Variants in EXT1 observed in about 807,000 individuals in gnomAD.
EXT1 encodes exostosin glycosyltransferase 1.
EXT1 carries 20 observed loss-of-function variants against 82.5 expected under a neutral mutation model. The ratio of observed to expected loss-of-function variants is 0.24; its 90% CI spans 0.17 to 0.35. EXT1 has a LOEUF of 0.35. EXT1 is among the 10% of genes least tolerant of loss of function. The probability of loss-of-function intolerance (pLI) is 1.00; values close to 1 mark genes in which losing one functional copy is unlikely to be tolerated. For missense variants in EXT1, 757 were observed against 936.5 expected, an observed-to-expected ratio of 0.81 and a Z score of 2.50; for synonymous variants, 348 against 350.8, an observed-to-expected ratio of 0.99 and a Z score of 0.09.
Position 118,111,005 on chromosome 8 carries a change from G to A in EXT1, c.42C>T (p.Gly14=), listed in dbSNP as rs1432103883. 6.2e-7 allele frequency: 1 copy of A among 1,605,530 alleles called. No individual in the cohort carries two copies. The highest frequency in any genetic ancestry group is 2.2e-5 in the East Asian group (1 of 44,880). The change falls in exon 1 of 11, where the codon GGC becomes GGT. Residue 14 remains glycine (G), a synonymous_variant. Coordinates refer to ENST00000378204, the MANE Select transcript of EXT1 (RefSeq NM_000127.3). ...AATAAAACAAAAGGGCGAGACAAGA[G>A]CCAGCTGAGAGCAGGATGAAATAGC... The part of the protein sequence containing the change: ...KKRYFILLSA[G]SCLALLFYFG...
intron 1 of EXT1, among the ~76,000 whole-genome samples, chr8:117,995,062 T>C (rs753727581): frequency 3.3e-5 from 5 of 152,236 alleles, no homozygotes; most frequent in African/African-American, 1.2e-4. Flanking sequence ...TGTTTTTGCC[T>C]AACTATGGGT....
Position 117,937,475 on chromosome 8 carries a change from G to A in EXT1, c.963-100274C>T, listed in dbSNP as rs17453288. On this transcript the variant is annotated intron_variant, in intron 1 of 10. Coordinates refer to ENST00000378204, the MANE Select transcript of EXT1 (RefSeq NM_000127.3). ...AAATGGAATTTTGCTGAATCGCCCT[G>A]ATTTATGAAGTCTGTGTTTCTTCAT... Among the ~76,000 whole-genome samples the A allele has an allele frequency of 4.1e-3, 622 of 152,340 alleles. 2 individuals are homozygous for A. Among genetic ancestry groups the A allele is most frequent in the Non-Finnish European group, 7.3e-3 (497 of 68,040 alleles).
At chr8:117,811,489 G>C (rs1364092431) in intron 8 of EXT1, among the ~76,000 whole-genome samples, 2 of 152,132 alleles carry the variant, frequency 1.3e-5, no homozygotes, top group Non-Finnish European at 2.9e-5. Context: ...TATTTATAGA[G>C]CTTCGGCTGC....
chr8:117,913,130 G>A (rs903932038), intron 1 of EXT1, among the ~76,000 whole-genome samples: 2 of 152,178 alleles, frequency 1.3e-5, no homozygotes, highest in Admixed American at 6.5e-5. Context: ...GCTGAGGCAG[G>A]AGAATCGCTT....
In EXT1 at chr8:117,887,526, A is replaced by G. The variant is rs907782133; in HGVS notation, c.963-50325T>C. On this transcript the variant is annotated intron_variant, in intron 1 of 10. Transcript: ENST00000378204. ...GCCACCACGCCCAGATAATTTTTGT[A>G]TTTTTAGTAGAGACAGGGTTTCACC... Among the ~76,000 whole-genome samples the G allele has an allele frequency of 2.6e-5, 4 of 151,978 alleles. No individual in the cohort carries two copies. The South Asian group carries it at 8.3e-4, about 32-fold the overall frequency.
At chr8:118,088,721 T>C (rs1323615736) in intron 1 of EXT1, among the ~76,000 whole-genome samples, 2 of 151,998 alleles carry the variant, frequency 1.3e-5, no homozygotes, top group Non-Finnish European at 2.9e-5. Context: ...TTTTCTTGTT[T>C]ACTTTTGATC....
At chr8:118,072,451 C>T (rs1325076168) in intron 1 of EXT1, among the ~76,000 whole-genome samples, 1 of 152,172 alleles carries the variant, frequency 6.6e-6, no homozygotes, top group Non-Finnish European at 1.5e-5. Flanking sequence ...ACATTGTTGC[C>T]TAATTGTCTG....
intron 3 of EXT1, among the ~76,000 whole-genome samples, chr8:117,834,836 A>G (rs1455637747): frequency 1.3e-5 from 2 of 152,218 alleles, no homozygotes; most frequent in Non-Finnish European, 2.9e-5. Context: ...AAAGGGCTTT[A>G]GAAATCCTTA....
intron 1 of EXT1, among the ~76,000 whole-genome samples, chr8:117,896,933 G>A (rs1813349854): frequency 6.6e-6 from 1 of 152,032 alleles, no homozygotes; most frequent in Non-Finnish European, 1.5e-5. Flanking sequence ...TGCCACCCAG[G>A]GTCCCAGCCC....
intron 1 of EXT1, among the ~76,000 whole-genome samples, chr8:117,950,440 T>C (rs931378271): frequency 1.3e-5 from 2 of 152,230 alleles, no homozygotes; most frequent in Non-Finnish European, 2.9e-5. Context: ...CAACACATTT[T>C]ACATCAGATA....
intron 1 of EXT1, among the ~76,000 whole-genome samples, chr8:117,963,404 T>C (rs963695840): frequency 2.6e-5 from 4 of 152,196 alleles, no homozygotes; most frequent in Non-Finnish European, 5.9e-5. Flanking sequence ...CATGTCTTAT[T>C]TGCTGGCTCT....
intron 2 of EXT1, among the ~76,000 whole-genome samples, chr8:117,836,259 A>G (rs1469523543): frequency 2.0e-5 from 3 of 152,222 alleles, no homozygotes; most frequent in Non-Finnish European, 4.4e-5. Flanking sequence ...GGAGGCTACA[A>G]GAACATTAGT....
intron 1 of EXT1, among the ~76,000 whole-genome samples, chr8:118,026,426 T>C (rs1479492887): frequency 6.6e-6 from 1 of 152,194 alleles, no homozygotes; most frequent in African/African-American, 2.4e-5. Context: ...TCTTTTATCT[T>C]TTAATGCAAT....
intron 10 of EXT1, among the ~76,000 whole-genome samples, chr8:117,802,709 TAATAGAC>T (rs907757722): frequency 1.1e-4 from 17 of 152,186 alleles, no homozygotes; most frequent in Non-Finnish European, 1.9e-4. Context: ...TTTGGGCACA[TAATAGAC>T]AATACATCTT....
chr8:117,969,055 T>C (rs1814886654), intron 1 of EXT1, among the ~76,000 whole-genome samples: 1 of 152,158 alleles, frequency 6.6e-6, no homozygotes, highest in Non-Finnish European at 1.5e-5. Flanking sequence ...ATTGGGAAGA[T>C]AAGACTTTTA....
intron 1 of EXT1, among the ~76,000 whole-genome samples, chr8:117,905,929 AGCCCCTCC>A (rs1813536237): frequency 6.6e-6 from 1 of 152,232 alleles, no homozygotes; most frequent in Non-Finnish European, 1.5e-5. Context: ...ATCACTTCCA[AGCCCCTCC>A]GCTTGCTGAT....
chr8:117,882,871 G>C (rs1022285114), intron 1 of EXT1, among the ~76,000 whole-genome samples: 1 of 151,734 alleles, frequency 6.6e-6, no homozygotes, highest in Non-Finnish European at 1.5e-5. Flanking sequence ...CAGCTACTCG[G>C]GAGGCTGAGG....
rs28357307 is a variant in EXT1, at chr8:118,044,052, C to T, written c.962+66033G>A. Among the ~76,000 whole-genome samples the T allele has an allele frequency of 5.3e-4, 80 of 152,290 alleles. 1 individual carries two copies. In the East Asian group the frequency reaches 0.015, roughly 28 times the overall value. The stretch of plus-strand genomic sequence containing the variant: ...TTGGCCCTTCAAAAATTCTGCTTTG[C>T]CAGTGTCTCTTTCTTACCTTAAGAT... On this transcript the variant is annotated intron_variant, in intron 1 of 10. Transcript: ENST00000378204.
chr8:117,801,087 G>A (rs1188645134), intron 10 of EXT1, among the ~76,000 whole-genome samples: 1 of 152,226 alleles, frequency 6.6e-6, no homozygotes, highest in Non-Finnish European at 1.5e-5. Flanking sequence ...ACATTTTAGT[G>A]TGAGAAGCAG....
Sources: allele counts gnomAD v4.1 joint callset (sites outside exome capture counted in the v4.1 genomes callset), GRCh38; gene constraint gnomAD v4.1.1; transcripts MANE v1.5; gene names NCBI Gene and HGNC (gene_info 2026-07-23, HGNC 2026-07-21).